PCDHGA2: variants seen among roughly 807,000 people sequenced by gnomAD.
PCDHGA2 encodes the protein protocadherin gamma subfamily A, 2.
PCDHGA2 carries 40 observed loss-of-function variants against 59.2 expected under a neutral mutation model. The ratio of observed to expected loss-of-function variants is 0.68; its 90% CI spans 0.52 to 0.88. PCDHGA2 has a LOEUF of 0.88. Among genes scored for constraint, PCDHGA2 ranks in the 40% least tolerant of loss-of-function variants. The pLI is 0.00. For synonymous variants in PCDHGA2, 560 were observed against 526.0 expected (o/e 1.06, Z -0.89); for missense variants, 1,226 against 1,204.0 (o/e 1.02, Z -0.27).
intron 1 of PCDHGA2, chr5:141,384,288 G>T (rs1367965791): frequency 1.9e-6 from 3 of 1,613,666 alleles, no homozygotes; most frequent in Non-Finnish European, 2.5e-6. Flanking sequence ...ACATCGCTGA[G>T]AACAACCCCA....
At chr5:141,454,838 C>T (rs1472341694) in intron 1 of PCDHGA2, among the ~76,000 whole-genome samples, 7 of 100,814 alleles carry the variant, frequency 6.9e-5, no homozygotes, top group Non-Finnish European at 1.1e-4. Flanking sequence ...GACAGAGTCG[C>T]GCTCTGTCAC....
Position 141,511,176 on chromosome 5 carries a change from T to C in PCDHGA2, c.*3T>C, listed in dbSNP as rs375508988. On this transcript the variant is annotated 3_prime_UTR_variant, in exon 4 of 4. Transcript: ENST00000394576. ...CGGGCAAGAAGGAGAAGAAGTAACA[T>C]GGAGGCCAGGCCAAGAGCCACAGGG... 198 of 1,614,046 alleles carry C rather than the reference T, an allele frequency of 1.2e-4. 1 individual carries two copies. The highest frequency in any genetic ancestry group is 6.5e-5 in the Non-Finnish European group (77 of 1,179,964).
At position 141,399,541 on chromosome 5, in the gene PCDHGA2, G is replaced by T. The variant is rs1301909841; in HGVS notation, c.2424+58146G>T. Reference sequence around the variant, plus strand: ...TGGGGCCTCCATCGCGCAAGTCTGCGCCTCGGACCTGGACTTGGGGTTGAA... The same window carrying T: ...TGGGGCCTCCATCGCGCAAGTCTGCTCCTCGGACCTGGACTTGGGGTTGAA... On this transcript the variant is annotated intron_variant, in intron 1 of 3. Transcript: ENST00000394576. 1.9e-6 allele frequency: 3 copies of T among 1,613,926 alleles called. No individual in the cohort carries two copies. In the Admixed American group the frequency reaches 5.0e-5, roughly 27 times the overall value.
At position 141,340,674 on chromosome 5, in the gene PCDHGA2, C is replaced by G. The variant is rs142481120; in HGVS notation, c.1703C>G (p.Pro568Arg). ...CCCGAGATCCTGTACCCTGCCTTCCCCACAGACGGTTCCACTGGCGTGGAG... is the reference window on the plus strand; with the variant it reads ...CCCGAGATCCTGTACCCTGCCTTCCGCACAGACGGTTCCACTGGCGTGGAG... ...NAPEILYPAF[P>R]TDGSTGVELA... The change falls in exon 1 of 4, where the codon CCC (proline) becomes CGC (arginine). Residue 568 changes from proline (P) to arginine (R), a missense_variant. Transcript: ENST00000394576. 6.2e-7 allele frequency: 1 copy of G among 1,614,234 alleles called. No individual in the cohort carries two copies. The highest frequency in any genetic ancestry group is 8.5e-7 in the Non-Finnish European group (1 of 1,180,040).
rs1364890100 is a variant in PCDHGA2 at position 141,344,166 on chromosome 5, G to T, written c.2424+2771G>T. ...TGAGGAGCTAGATAAAGGTTCCTTC[G>T]TGGGCAACATCGCTAACGACCTGGG... On this transcript the variant is annotated intron_variant, in intron 1 of 3. Coordinates refer to ENST00000394576, the MANE Select transcript of PCDHGA2 (RefSeq NM_018915.4). 72 of 1,613,904 alleles carry T rather than the reference G, an allele frequency of 4.5e-5. No individual in the cohort carries two copies. The highest frequency in any genetic ancestry group is 5.8e-5 in the Non-Finnish European group (68 of 1,179,908).
At chr5:141,409,916 T>C (rs762510018) in intron 1 of PCDHGA2, 3 of 1,613,298 alleles carry the variant, frequency 1.9e-6, no homozygotes, top group Non-Finnish European at 2.5e-6. Flanking sequence ...TCCTGACGGC[T>C]CCGCGTTCTT....
chr5:141,346,244 C>G (rs375085778), intron 1 of PCDHGA2: 1 of 1,614,216 alleles, frequency 6.2e-7, no homozygotes, highest in East Asian at 2.2e-5. Flanking sequence ...GTACGCCCGG[C>G]TCGCACTTTG....
chr5:141,417,414 A>G (rs1255289735), intron 1 of PCDHGA2: 1 of 157,986 alleles, frequency 6.3e-6, no homozygotes, highest in Non-Finnish European at 1.4e-5. Flanking sequence ...TTCAAGATAT[A>G]TGTAAATTCA....
intron 1 of PCDHGA2, chr5:141,389,363 C>T (rs776814041): frequency 1.2e-6 from 2 of 1,613,868 alleles, no homozygotes; most frequent in South Asian, 2.2e-5. Flanking sequence ...TGGCCAGTGA[C>T]CTGGAGCAGC....
intron 1 of PCDHGA2, among the ~76,000 whole-genome samples, chr5:141,445,784 G>A (rs2098477494): frequency 6.6e-6 from 1 of 152,168 alleles, no homozygotes; most frequent in Non-Finnish European, 1.5e-5. Flanking sequence ...GGGCTAGGGA[G>A]GCTAGAAACA....
chr5:141,359,759 A>G (rs1005713347), intron 1 of PCDHGA2, among the ~76,000 whole-genome samples: 1 of 152,234 alleles, frequency 6.6e-6, no homozygotes, highest in African/African-American at 2.4e-5. Flanking sequence ...CATCTAAAGC[A>G]GAGATGAAAG....
intron 1 of PCDHGA2, chr5:141,344,410 T>C (rs770238038): frequency 6.2e-7 from 1 of 1,612,144 alleles, no homozygotes; most frequent in Admixed American, 1.7e-5. Flanking sequence ...ATTAAAGATA[T>C]TAATGATAAT....
intron 1 of PCDHGA2, chr5:141,424,630 A>G (rs1440031596): frequency 1.3e-5 from 2 of 152,366 alleles, no homozygotes; most frequent in East Asian, 3.9e-4. Flanking sequence ...TTGTGAATAT[A>G]TAAATAGATT....
At chr5:141,384,448 C>A (rs1780101973) in intron 1 of PCDHGA2, 2 of 1,614,070 alleles carry the variant, frequency 1.2e-6, no homozygotes, top group Non-Finnish European at 1.7e-6. Flanking sequence ...CCTGTACGCG[C>A]TGCAATCCTT....
intron 1 of PCDHGA2, chr5:141,412,854 A>G (rs1356959630): frequency 4.5e-6 from 1 of 223,412 alleles, no homozygotes; most frequent in South Asian, 1.8e-4. Context: ...GAGAAACCAA[A>G]GAATCTATGT....
At chr5:141,478,236 TCA>T in intron 1 of PCDHGA2, 3 of 1,614,156 alleles carry the variant, frequency 1.9e-6, no homozygotes, top group Non-Finnish European at 2.5e-6. Flanking sequence ...GGGTTTGTGG[TCA>T]CAGTGTTCGG....
Position 141,414,407 on chromosome 5 carries a change from A to T in PCDHGA2, c.2424+73012A>T, listed in dbSNP as rs181582338. On this transcript the variant is annotated intron_variant, in intron 1 of 3. Transcript: ENST00000394576. ...GACAGTTATTACAGATTGGTGATACACAGAGCCCTTGACAGGGAACAGGTA... is the reference window on the plus strand; with the variant it reads ...GACAGTTATTACAGATTGGTGATACTCAGAGCCCTTGACAGGGAACAGGTA... 96 of 1,613,912 alleles carry T rather than the reference A, an allele frequency of 5.9e-5. No individual in the cohort carries two copies. In the East Asian group the frequency reaches 1.5e-3, roughly 25 times the overall value.
At position 141,489,436 on chromosome 5, in the gene PCDHGA2, T is replaced by C. The variant is rs1002519; in HGVS notation, c.2425-5371T>C. 0.23 allele frequency: 369,130 copies of C among 1,613,832 alleles called. 44,340 individuals are homozygous for C. The highest frequency in any genetic ancestry group is 0.38 in the Admixed American group (23,024 of 60,000). On this transcript the variant is annotated intron_variant, in intron 1 of 3. Transcript: ENST00000394576. The surrounding 1 kb of genome is among the most constrained non-coding windows in gnomAD (Gnocchi z 4.5). ...AGATCTGTTGAGCCGGCGGCTGCAATTGGGCTCTGAGGAGAATGGGCGCTA... is the reference window on the plus strand; with the variant it reads ...AGATCTGTTGAGCCGGCGGCTGCAACTGGGCTCTGAGGAGAATGGGCGCTA...
chr5:141,343,703 A>C (rs1311646443), intron 1 of PCDHGA2: 2 of 214,302 alleles, frequency 9.3e-6, no homozygotes, highest in African/African-American at 4.6e-5. Context: ...ATCTCTGACA[A>C]GAAGGATTTC....
Sources: allele counts gnomAD v4.1 joint callset (sites outside exome capture counted in the v4.1 genomes callset), GRCh38; gene constraint gnomAD v4.1.1; non-coding constraint Gnocchi (gnomAD v3.1); transcripts MANE v1.5; gene names NCBI Gene and HGNC (gene_info 2026-07-23, HGNC 2026-07-21).